IKZF4: variants seen among roughly 807,000 people sequenced by gnomAD.
IKZF4 encodes the protein zinc finger protein Eos.
A neutral mutation model predicts 47.7 loss-of-function variants in IKZF4; 11 were observed. The ratio of observed to expected loss-of-function variants is 0.23; its 90% CI spans 0.15 to 0.38. The LOEUF (loss-of-function observed/expected upper bound fraction) is 0.38. Among genes scored for constraint, IKZF4 ranks in the 10% least tolerant of loss-of-function variants. The pLI is 1.00. For synonymous variants in IKZF4, 298 were observed against 299.4 expected, an observed-to-expected ratio of 1.00 and a Z score of 0.05; for missense variants, 557 against 784.9, an observed-to-expected ratio of 0.71 and a Z score of 3.47.
At chr12:56,018,324 T>C, upstream of IKZF4, 1 of 454,256 alleles carries the variant, frequency 2.2e-6, no homozygotes, top group Admixed American at 3.6e-5. Context: ...CTTGGTAGTG[T>C]GCAATTATTT....
chr12:56,032,784 G>A (rs1895090036), intron 6 of IKZF4, 74 bp downstream of exon 6: 1 of 1,501,306 alleles, frequency 6.7e-7, no homozygotes, highest in South Asian at 1.1e-5. Flanking sequence ...GGTGACTCCA[G>A]TATCTCCCAC....
intron 5 of IKZF4, among the ~76,000 whole-genome samples, chr12:56,028,369 C>CAA (rs777637224): frequency 1.5e-5 from 2 of 134,054 alleles, no homozygotes; most frequent in Non-Finnish European, 1.6e-5. Flanking sequence ...ACTAAAAATA[C>CAA]AAAAAAAAAA....
upstream of IKZF4, among the ~76,000 whole-genome samples, chr12:56,020,479 T>C (rs986043509): frequency 1.3e-5 from 2 of 152,198 alleles, no homozygotes; most frequent in East Asian, 1.9e-4. Context: ...TAGAGAACTT[T>C]AGTAGAAAGG....
intron 3 of IKZF4, 61 bp downstream of exon 3, chr12:56,025,219 A>G (rs1893762804): frequency 2.1e-6 from 3 of 1,459,484 alleles, no homozygotes; most frequent in Middle Eastern, 3.6e-4. Context: ...TTGGCCTTCA[A>G]TTCACCTTCC....
rs778023413 is a variant in IKZF4 at position 56,035,137 on chromosome 12, G to A, written c.1564G>A (p.Glu522Lys). ...PSKEVLRVVGESGEPVKAFKC... is the reference protein window; with the variant it reads ...PSKEVLRVVGKSGEPVKAFKC... ...CAAGGAAGTGCTTCGGGTGGTGGGC[G>A]AGAGTGGTGAGCCTGTGAAGGCCTT... Residue 522 changes from glutamate to lysine, a missense_variant, in exon 8 of 8, where the codon GAG becomes AAG. Physicochemically the swap from Glu to Lys is moderately conservative, Grantham distance 56. Transcript: ENST00000547167. This position sits in a 1 kb window ranked among gnomAD's most constrained non-coding sequence, Gnocchi z 6.1. The A allele has an allele frequency of 3.1e-6, 5 of 1,613,840 alleles. No homozygotes were observed. The highest frequency in any genetic ancestry group is 1.7e-5 in the Admixed American group (1 of 59,978).
upstream of IKZF4, chr12:56,020,894 CTG>C (rs1398963359): frequency 2.0e-6 from 2 of 984,416 alleles, no homozygotes; most frequent in Non-Finnish European, 2.4e-6. Flanking sequence ...TTCTGCCTCT[CTG>C]AGAGCCTTGA....
intron 2 of IKZF4, among the ~76,000 whole-genome samples, chr12:56,015,863 G>C (rs1891976635): frequency 6.6e-6 from 1 of 152,104 alleles, no homozygotes; most frequent in Admixed American, 6.6e-5. Flanking sequence ...CTGTGGACTT[G>C]GGCTCTTCTA....
upstream of IKZF4, among the ~76,000 whole-genome samples, chr12:56,018,924 A>C (rs1240909434): frequency 6.6e-6 from 1 of 151,994 alleles, no homozygotes; most frequent in East Asian, 1.9e-4. Context: ...CTCTACTAAA[A>C]ATACAAAAAT....
chr12:56,033,040 C>A (rs369932633), intron 6 of IKZF4, 150 bp from the exon 7 acceptor site: 2 of 879,334 alleles, frequency 2.3e-6, no homozygotes, highest in Non-Finnish European at 3.4e-6. Context: ...TTGGAGTGAG[C>A]TTTAGGTAGG....
At chr12:56,015,146 G>A (rs923952843) in intron 2 of IKZF4, among the ~76,000 whole-genome samples, 1 of 151,958 alleles carries the variant, frequency 6.6e-6, no homozygotes, top group Admixed American at 6.6e-5. Context: ...GCACGATCTC[G>A]GCTCACTGCA....
chr12:56,024,072 G>T (rs1182680817), intron 2 of IKZF4: 1 of 401,126 alleles, frequency 2.5e-6, no homozygotes, highest in African/African-American at 2.2e-5. Context: ...GTGGGGAGGA[G>T]GGATTTTTTT....
intron 1 of IKZF4, among the ~76,000 whole-genome samples, chr12:56,022,870 G>C (rs1893285233): frequency 6.6e-6 from 1 of 150,506 alleles, no homozygotes; most frequent in Admixed American, 6.6e-5. Flanking sequence ...CGCGATCTCG[G>C]CTCACTGCAA....
At position 56,034,962 on chromosome 12, in the gene IKZF4, CGAA is replaced by C. The variant is rs753023109; in HGVS notation, c.1392_1394del (p.Glu464del). ...ACTCCACAGACACAGAAAGCAACCA[CGAA>C]GATCGGGTTGCGGGGGTGGTATCCC... On this transcript the variant is annotated inframe_deletion, in exon 8 of 8. Transcript: ENST00000547167. 2 of 1,566,964 alleles carry C rather than the reference CGAA, an allele frequency of 1.3e-6. No homozygotes were observed. Among genetic ancestry groups the C allele is most frequent in the Admixed American group, 3.7e-5 (2 of 54,664 alleles).
intron 2 of IKZF4, chr12:56,023,993 T>TAAA: frequency 1.2e-5 from 10 of 864,730 alleles, no homozygotes; most frequent in Non-Finnish European, 1.1e-5. Flanking sequence ...TATCTACATA[T>TAAA]GTGTTGTGTC....
At chr12:56,024,510 AGTT>A (rs965056861) in intron 2 of IKZF4, among the ~76,000 whole-genome samples, 1 of 152,230 alleles carries the variant, frequency 6.6e-6, no homozygotes, top group Non-Finnish European at 1.5e-5. Flanking sequence ...TACTTCATAT[AGTT>A]GTTGTGAGGA....
Position 56,034,600 on chromosome 12 carries a change from G to A in IKZF4, c.1027G>A (p.Asp343Asn). 6.2e-7 allele frequency: 1 copy of A among 1,613,046 alleles called. No homozygotes were observed. Among genetic ancestry groups the A allele is most frequent in the Non-Finnish European group, 8.5e-7 (1 of 1,179,312 alleles). The change falls in exon 8 of 8, where the codon GAC becomes AAC. Residue 343 changes from aspartate to asparagine, a missense_variant. Asp to Asn is a conservative substitution (Grantham distance 23, BLOSUM62 1). Coordinates refer to ENST00000547167, the MANE Select transcript of IKZF4 (RefSeq NM_022465.4). ...AAAGCAGATGCGCTTCAGCCTCTCA[G>A]ACCTCCCCTATGATGTGAACTCGGG... ...GEKQMRFSLS[D>N]LPYDVNSGGY...
chr12:56,024,021 A>G, intron 2 of IKZF4: 1 of 739,338 alleles, frequency 1.4e-6, no homozygotes, highest in Non-Finnish European at 1.7e-6. Context: ...GTGTTTATCT[A>G]CATGTATTTT....
At chr12:56,010,644 G>A (rs1313904678) in intron 1 of IKZF4, 1 of 152,070 alleles carries the variant, frequency 6.6e-6, no homozygotes, top group Non-Finnish European at 1.5e-5. Context: ...CTTCCAACTG[G>A]GGCAAGATTT....
intron 1 of IKZF4, among the ~76,000 whole-genome samples, chr12:56,022,094 C>G (rs1010720672): frequency 6.6e-6 from 1 of 152,090 alleles, no homozygotes; most frequent in African/African-American, 2.4e-5. Context: ...AGCCCGTGGT[C>G]AAGAAAGGGA....
Sources: allele counts gnomAD v4.1 joint callset (sites outside exome capture counted in the v4.1 genomes callset), GRCh38; gene constraint gnomAD v4.1.1; non-coding constraint Gnocchi (gnomAD v3.1); transcripts MANE v1.5; gene names NCBI Gene and HGNC (gene_info 2026-07-23, HGNC 2026-07-21).